LRP1B: variants seen among roughly 807,000 people sequenced by gnomAD.
The protein encoded by LRP1B is low-density lipoprotein receptor-related protein 1B.
Under a neutral mutation model 556.6 loss-of-function variants are expected in LRP1B, and 217 were observed. The observed-to-expected ratio is 0.39, with a 90% CI of 0.35 to 0.44. The LOEUF (loss-of-function observed/expected upper bound fraction) is 0.44, where lower values mean the gene tolerates loss of function less well. Ranked by LOEUF, LRP1B falls within the 20% of genes least tolerant of loss-of-function variation. The pLI, the probability that LRP1B is intolerant of heterozygous loss-of-function variation, is 1.00. For missense variants in LRP1B, 5,053 were observed against 5,620.8 expected (o/e 0.90, Z 3.23); for synonymous variants, 2,047 against 1,865.8 (o/e 1.10, Z -2.50).
intron 1 of LRP1B, among the ~76,000 whole-genome samples, chr2:141,977,045 A>T (rs1574552368): frequency 6.6e-6 from 1 of 152,256 alleles, no homozygotes; most frequent in East Asian, 1.9e-4. Flanking sequence ...GTCTAGATGG[A>T]GTCTCCGAAT....
intron 20 of LRP1B, among the ~76,000 whole-genome samples, chr2:140,944,337 C>G (rs922427729): frequency 6.6e-6 from 1 of 152,002 alleles, no homozygotes; most frequent in Non-Finnish European, 1.5e-5. Flanking sequence ...TCCACCTGAC[C>G]TACAAAGAAG....
intron 15 of LRP1B, among the ~76,000 whole-genome samples, chr2:141,004,523 T>C (rs1697514137): frequency 6.6e-6 from 1 of 152,066 alleles, no homozygotes; most frequent in Admixed American, 6.6e-5. Context: ...CACCATGGAC[T>C]CTCATGGATT....
intron 35 of LRP1B, among the ~76,000 whole-genome samples, chr2:140,729,679 C>T (rs1470511372): frequency 1.3e-5 from 2 of 152,164 alleles, no homozygotes; most frequent in African/African-American, 4.8e-5. Flanking sequence ...CCCAAAGACT[C>T]AATCACCCTC....
At chr2:140,791,239 C>T (rs1009555919) in intron 32 of LRP1B, among the ~76,000 whole-genome samples, 11 of 151,610 alleles carry the variant, frequency 7.3e-5, no homozygotes, top group Non-Finnish European at 4.4e-5. Flanking sequence ...GGTGACAGAT[C>T]GAGACTCCAT....
chr2:140,932,886 T>TACATACACAC lies in LRP1B; in HGVS notation c.3137-9740_3137-9739insGTGTGTATGT, dbSNP rs1553562514. 2.4e-5 allele frequency among the ~76,000 whole-genome samples: 3 copies of TACATACACAC among 127,554 alleles called. No homozygotes were observed. The East Asian group carries it at 6.7e-4, about 28-fold the overall frequency. The allele number at this position is 127,554 out of a possible 152,430, so 83.7% of individuals were successfully genotyped here. A position where few individuals can be genotyped will look rare whatever the true frequency, so the allele number is the denominator to read the frequency against. ...GTGAGACACTCTCTCTCTCTCCCTA[T>TACATACACAC]ACACACACACACACACACACACACA... On this transcript the variant is annotated intron_variant, in intron 20 of 90. Transcript: ENST00000389484.
At chr2:140,298,000 A>G (rs2105001467) in intron 83 of LRP1B, 31 bp from the exon 84 acceptor site, 2 of 1,548,330 alleles carry the variant, frequency 1.3e-6, no homozygotes, top group Non-Finnish European at 1.8e-6. Context: ...TAAAAAGCAA[A>G]TTATTCAACC....
chr2:141,460,620 T>C lies in LRP1B; in HGVS notation c.343+19776A>G, dbSNP rs553620727. On this transcript the variant is annotated intron_variant, in intron 3 of 90. Coordinates refer to ENST00000389484, the MANE Select transcript of LRP1B (RefSeq NM_018557.3). ...CTTGGATACTGTATTGAGAAGATAA[T>C]ATATTTATAACAATATTTGGAATAA... 4.7e-4 allele frequency among the ~76,000 whole-genome samples: 71 copies of C among 152,306 alleles called. 1 individual carries two copies. The highest frequency in any genetic ancestry group is 2.1e-3 in the South Asian group (10 of 4,830).
chr2:140,246,719 A>G (rs1681181787), intron 87 of LRP1B, among the ~76,000 whole-genome samples: 1 of 151,338 alleles, frequency 6.6e-6, no homozygotes, highest in South Asian at 2.1e-4. Flanking sequence ...AAGACAATAC[A>G]CTTTGCTCTA....
rs56871197 is a variant in LRP1B, at chr2:141,122,405, GAAAAAAAA to G, written c.1014-60140_1014-60133del. On this transcript the variant is annotated intron_variant, in intron 7 of 90. Transcript: ENST00000389484. The stretch of plus-strand genomic sequence containing the variant: ...ACAAATAACTCAAACAAACTTACAA[GAAAAAAAA>G]AAAAAAACATCAAAAAGTGGGCAAA... Among the ~76,000 whole-genome samples, 373 of 144,726 alleles carry G rather than the reference GAAAAAAAA, an allele frequency of 2.6e-3. 4 individuals carry two copies. The highest frequency in any genetic ancestry group is 0.021 in the Middle Eastern group (6 of 280). 94.9% of individuals were successfully genotyped at this position (144,726 alleles called of 152,430 possible).
Position 140,840,077 on chromosome 2 carries a change from TAG to T in LRP1B, c.5121_5122del (p.Tyr1708LeufsTer8). On this transcript the variant is annotated frameshift_variant, in exon 31 of 91. Coordinates refer to ENST00000389484, the MANE Select transcript of LRP1B (RefSeq NM_018557.3). LOFTEE classifies it high-confidence loss of function. ...GTTAATTGTGTTTCCATCGGTCCAGTAGAGTTTTCTTAATTCAAAAGACATAT... is the reference window on the plus strand; with the variant it reads ...GTTAATTGTGTTTCCATCGGTCCAGTAGTTTTCTTAATTCAAAAGACATAT... 6.3e-7 allele frequency: 1 copy of T among 1,598,008 alleles called. No homozygotes were observed. Among genetic ancestry groups the T allele is most frequent in the Non-Finnish European group, 8.5e-7 (1 of 1,171,468 alleles).
At chr2:140,926,557 G>T (rs527354087) in intron 20 of LRP1B, among the ~76,000 whole-genome samples, 1 of 151,956 alleles carries the variant, frequency 6.6e-6, no homozygotes, top group Non-Finnish European at 1.5e-5. Context: ...TGCCTAGACT[G>T]GTCTTGAACT....
At chr2:140,426,623 GAAC>G (rs1685666790) in intron 66 of LRP1B, among the ~76,000 whole-genome samples, 1 of 152,274 alleles carries the variant, frequency 6.6e-6, no homozygotes, top group South Asian at 2.1e-4. Context: ...GCCTGCCAGA[GAAC>G]AACCCCTCTT....
intron 18 of LRP1B, among the ~76,000 whole-genome samples, chr2:140,964,488 C>T (rs1696137680): frequency 6.6e-6 from 1 of 152,078 alleles, no homozygotes; most frequent in Non-Finnish European, 1.5e-5. Context: ...CCATGATCCG[C>T]TTGGTGACGG....
intron 2 of LRP1B, among the ~76,000 whole-genome samples, chr2:141,766,304 C>T (rs1186007731): frequency 6.6e-6 from 1 of 152,116 alleles, no homozygotes; most frequent in Non-Finnish European, 1.5e-5. Flanking sequence ...GATACAAAAA[C>T]GTGTCATCTG....
chr2:141,681,888 A>G (rs1439422633), intron 2 of LRP1B, among the ~76,000 whole-genome samples: 1 of 152,136 alleles, frequency 6.6e-6, no homozygotes, highest in Non-Finnish European at 1.5e-5. Context: ...GTTCCAATAG[A>G]CTTAGCTATT....
At chr2:140,726,678 T>G (rs559493233) in intron 35 of LRP1B, among the ~76,000 whole-genome samples, 6 of 152,342 alleles carry the variant, frequency 3.9e-5, no homozygotes, top group African/African-American at 1.4e-4. Flanking sequence ...TTTTAAATTA[T>G]ATAGATATTG....
intron 7 of LRP1B, among the ~76,000 whole-genome samples, chr2:141,117,181 A>G (rs2104985260): frequency 6.6e-6 from 1 of 151,950 alleles, no homozygotes; most frequent in South Asian, 2.1e-4. Context: ...TCTATTTTAT[A>G]AATAGAAAGA....
chr2:140,247,758 G>T (rs1681231293), intron 86 of LRP1B, among the ~76,000 whole-genome samples: 1 of 151,538 alleles, frequency 6.6e-6, no homozygotes, highest in South Asian at 2.1e-4. Context: ...TCCCATGTAA[G>T]TACTATAACA....
chr2:141,172,102 T>C (rs1270139696), intron 7 of LRP1B, among the ~76,000 whole-genome samples: 1 of 152,138 alleles, frequency 6.6e-6, no homozygotes, highest in Non-Finnish European at 1.5e-5. Context: ...AAAGCTGTTC[T>C]AGGTTACTTG....
Sources: allele counts gnomAD v4.1 joint callset (sites outside exome capture counted in the v4.1 genomes callset), GRCh38; gene constraint gnomAD v4.1.1; transcripts MANE v1.5; gene names NCBI Gene and HGNC (gene_info 2026-07-23, HGNC 2026-07-21).